The following NEK1 variants were observed in gnomAD, a reference collection of about 807,000 sequenced individuals.
NEK1 encodes the protein serine/threonine-protein kinase Nek1.
A neutral mutation model predicts 182.1 loss-of-function variants in NEK1; 137 were observed. That is an observed-to-expected ratio of 0.75 (90% CI 0.65 to 0.87). The LOEUF (loss-of-function observed/expected upper bound fraction) is 0.87, where lower values mean the gene tolerates loss of function less well. Ranked by LOEUF, NEK1 falls within the 40% of genes least tolerant of loss-of-function variation. The pLI is 0.00. For synonymous variants in NEK1, 513 were observed against 492.2 expected, an observed-to-expected ratio of 1.04 and a Z score of -0.56; for missense variants, 1,391 against 1,494.4, an observed-to-expected ratio of 0.93 and a Z score of 1.14.
intron 31 of NEK1, among the ~76,000 whole-genome samples, chr4:169,414,513 A>G (rs1445912871): frequency 6.6e-6 from 1 of 152,234 alleles, no homozygotes; most frequent in Non-Finnish European, 1.5e-5. Flanking sequence ...AAAATTAGAC[A>G]TTCCTTTGAA....
At chr4:169,582,732 T>C (rs966366474) in intron 10 of NEK1, among the ~76,000 whole-genome samples, 6 of 152,094 alleles carry the variant, frequency 3.9e-5, no homozygotes, top group Non-Finnish European at 1.5e-5. Context: ...TGTTTTCCAA[T>C]AGAGTAGCCA....
At chr4:169,552,466 A>G (rs937361718) in intron 18 of NEK1, among the ~76,000 whole-genome samples, 1 of 152,102 alleles carries the variant, frequency 6.6e-6, no homozygotes, top group Admixed American at 6.5e-5. Flanking sequence ...CATAAAGAAC[A>G]TCTCCAAAAA....
chr4:169,395,160 T>TA (rs1217740017), intron 35 of NEK1, among the ~76,000 whole-genome samples: 1 of 152,214 alleles, frequency 6.6e-6, no homozygotes, highest in Non-Finnish European at 1.5e-5. Context: ...CTGGTTAACT[T>TA]AATCTTATAT....
chr4:169,441,484 A>AG (rs989210838), intron 27 of NEK1, among the ~76,000 whole-genome samples: 2 of 152,224 alleles, frequency 1.3e-5, no homozygotes, highest in African/African-American at 4.8e-5. Context: ...AGGGGGCCTG[A>AG]GGACAGGCCC....
At chr4:169,530,284 G>A (rs6856378) in intron 19 of NEK1, among the ~76,000 whole-genome samples, 32,126 of 152,046 alleles carry the variant, frequency 0.21, 3,850 homozygotes, top group African/African-American at 0.33. Flanking sequence ...CATTACGTGT[G>A]CAGACAGTTT....
At chr4:169,595,175 T>A (rs1769226742) in intron 5 of NEK1, among the ~76,000 whole-genome samples, 2 of 152,280 alleles carry the variant, frequency 1.3e-5, no homozygotes, top group South Asian at 4.1e-4. Flanking sequence ...CTTCAAGACT[T>A]TTTTGTACAT....
chr4:169,605,570 C>T (rs1383223990), intron 2 of NEK1, among the ~76,000 whole-genome samples: 3 of 152,072 alleles, frequency 2.0e-5, no homozygotes, highest in Non-Finnish European at 4.4e-5. Context: ...ATTATAATTC[C>T]ATAAAATTTT....
Position 169,562,212 on chromosome 4 carries a change from A to G in NEK1, c.1021-16T>C. 1 of 1,500,902 alleles carries G rather than the reference A, an allele frequency of 6.7e-7. No homozygotes were observed. 93.0% of individuals were successfully genotyped at this position (1,500,902 alleles called of 1,614,324 possible). Reference sequence around the variant, plus strand: ...TTTGATGGGCCTGGACAAAAAGTAAAACTACAAATTAAATAAAGATTTTGA... The same window carrying G: ...TTTGATGGGCCTGGACAAAAAGTAAGACTACAAATTAAATAAAGATTTTGA... On this transcript the variant is annotated splice_polypyrimidine_tract_variant and intron_variant, in intron 12 of 35. Transcript: ENST00000507142.
rs1164370118 is a variant in NEK1, at chr4:169,433,652, C to G, written c.2778G>C (p.Leu926Phe). 6.2e-7 allele frequency: 1 copy of G among 1,613,144 alleles called. No homozygotes were observed. Among genetic ancestry groups the G allele is most frequent in the Non-Finnish European group, 8.5e-7 (1 of 1,179,522 alleles). The change falls in exon 29 of 36, where the codon TTG becomes TTC. Residue 926 changes from leucine to phenylalanine, a missense_variant. Coordinates refer to ENST00000507142, the MANE Select transcript of NEK1 (RefSeq NM_001199397.3). ...TTGGCTCTTGTAGAATTTCTGTTTC[C>G]AAATCATCAGGTTCTGCAAAGGATA... ...LEGNLEEPDD[L>F]ETEILQEPSG...
chr4:169,576,722 A>G lies in NEK1; in HGVS notation c.1020+206T>C, dbSNP rs1383253074. The G allele has an allele frequency of 1.2e-5, 5 of 402,912 alleles. No homozygotes were observed. In the Admixed American group the frequency reaches 1.6e-4, roughly 13 times the overall value. The allele number at this position is 402,912 out of a possible 1,614,324, so 25.0% of individuals were successfully genotyped here. On this transcript the variant is annotated intron_variant, in intron 12 of 35. Coordinates refer to ENST00000507142, the MANE Select transcript of NEK1 (RefSeq NM_001199397.3). ...TCACTCGCTTTTTATTACACTAATTATATTACTTAATATATTTACTTAATG... is the reference window on the plus strand; with the variant it reads ...TCACTCGCTTTTTATTACACTAATTGTATTACTTAATATATTTACTTAATG...
intron 27 of NEK1, among the ~76,000 whole-genome samples, chr4:169,461,638 A>T (rs1743988955): frequency 6.6e-6 from 1 of 152,220 alleles, no homozygotes; most frequent in South Asian, 2.1e-4. Context: ...AATACAGAGC[A>T]TATTCTTCCC....
intron 23 of NEK1, among the ~76,000 whole-genome samples, chr4:169,487,919 G>A (rs1160668512): frequency 6.6e-6 from 1 of 152,068 alleles, no homozygotes; most frequent in African/African-American, 2.4e-5. Flanking sequence ...GATCAGAGAT[G>A]TTGAGCTTTT....
Position 169,589,525 on chromosome 4 carries a change from C to T in NEK1, c.397-11G>A, listed in dbSNP as rs746386960. On this transcript the variant is annotated splice_polypyrimidine_tract_variant and intron_variant, in intron 6 of 35. Coordinates refer to ENST00000507142, the MANE Select transcript of NEK1 (RefSeq NM_001199397.3). ...AGTTAAAAATATGTTCTGTAAAAGA[C>T]AGGAAAAAAAAAAACCCTAGAAATA... The T allele has an allele frequency of 1.4e-6, 2 of 1,389,152 alleles. No individual in the cohort carries two copies. Among genetic ancestry groups the T allele is most frequent in the Non-Finnish European group, 1.9e-6 (2 of 1,027,118 alleles). The allele number at this position is 1,389,152 out of a possible 1,614,324, so 86.1% of individuals were successfully genotyped here. A position where few individuals can be genotyped will look rare whatever the true frequency, so the allele number is the denominator to read the frequency against.
At chr4:169,505,824 C>T (rs1051705222) in intron 23 of NEK1, among the ~76,000 whole-genome samples, 1 of 151,826 alleles carries the variant, frequency 6.6e-6, no homozygotes, top group African/African-American at 2.4e-5. Context: ...CTCAAAATGT[C>T]TGCAAATATT....
intron 31 of NEK1, among the ~76,000 whole-genome samples, chr4:169,422,756 C>T (rs1735702516): frequency 6.6e-6 from 1 of 152,082 alleles, no homozygotes; most frequent in Admixed American, 6.6e-5. Flanking sequence ...AGAGTAAGTT[C>T]TTCTATAGAA....
intron 27 of NEK1, among the ~76,000 whole-genome samples, chr4:169,454,854 A>T (rs1169638375): frequency 6.6e-6 from 1 of 152,226 alleles, no homozygotes; most frequent in Non-Finnish European, 1.5e-5. Flanking sequence ...ATTATAAATC[A>T]TGCTCCTTTA....
Position 169,433,569 on chromosome 4 carries a change from T to A in NEK1, c.2861A>T (p.Glu954Val), listed in dbSNP as rs745348820. 4 of 1,610,554 alleles carry A rather than the reference T, an allele frequency of 2.5e-6. No individual in the cohort carries two copies. The change falls in exon 29 of 36, where the codon GAG becomes GTG. Residue 954 changes from glutamate (E) to valine (V), a missense_variant. Around this residue, in one of 5 missense-constraint regions of NEK1, gnomAD observed 1,216 missense variants for 1,277.6 expected, o/e 0.95. Coordinates refer to ENST00000507142, the MANE Select transcript of NEK1 (RefSeq NM_001199397.3). ...CTGAGTTTCCTTTGTTTCTTTTTCC[T>A]CACTAATCCACACATCAGTAATAGT... ...PCTITDVWIS[E>V]EKETKETQSA...
intron 29 of NEK1, among the ~76,000 whole-genome samples, chr4:169,428,373 A>ATATATATATATATATATATATATAT (rs1236979580): frequency 4.2e-5 from 1 of 23,682 alleles, no homozygotes; most frequent in Non-Finnish European, 1.4e-4. Context: ...TATATATATA[A>ATATATATATATATATATATATATAT]TGGAATATTA....
intron 27 of NEK1, among the ~76,000 whole-genome samples, chr4:169,447,160 G>T (rs1433188621): frequency 6.6e-6 from 1 of 152,106 alleles, no homozygotes; most frequent in South Asian, 2.1e-4. Context: ...AACTCCAAAA[G>T]GTCAAAGACA....
Sources: allele counts gnomAD v4.1 joint callset (sites outside exome capture counted in the v4.1 genomes callset), GRCh38; gene constraint gnomAD v4.1.1; regional missense constraint gnomAD v4.1.1; transcripts MANE v1.5; gene names NCBI Gene and HGNC (gene_info 2026-07-23, HGNC 2026-07-21).